TSHZ3: variants seen among roughly 807,000 people sequenced by gnomAD.
TSHZ3 encodes the protein teashirt homolog 3.
TSHZ3 carries 10 observed loss-of-function variants against 64.5 expected under a neutral mutation model. The observed-to-expected ratio is 0.16, with a 90% CI of 0.10 to 0.26. The LOEUF (loss-of-function observed/expected upper bound fraction) is 0.26. Among genes scored for constraint, TSHZ3 ranks in the 10% least tolerant of loss-of-function variants. The pLI is 1.00. For synonymous variants in TSHZ3, 608 were observed against 593.1 expected (o/e 1.03, Z -0.36); for missense variants, 1,242 against 1,421.7 (o/e 0.87, Z 2.03).
At chr19:31,226,927 C>T (rs1172773432) in intron 4 of TSHZ3, among the ~76,000 whole-genome samples, 1 of 148,822 alleles carries the variant, frequency 6.7e-6, no homozygotes, top group African/African-American at 2.5e-5. Context: ...AGAACTATCC[C>T]TTGCAGATAC....
intron 5 of TSHZ3, among the ~76,000 whole-genome samples, chr19:31,156,483 G>A (rs978243600): frequency 2.0e-4 from 30 of 152,106 alleles, no homozygotes; most frequent in African/African-American, 5.1e-4. Flanking sequence ...TTTGTCGGTC[G>A]GGAGCAGGAG....
rs1029191168 is a variant in TSHZ3, at chr19:31,152,292, G to A, written n.872-548C>T. Reference sequence around the variant, plus strand: ...CATGTGTATATGTGAGCGTGTGTGTGTGTGTGTGTGTGTGTGCATGTTTAT... The same window carrying A: ...CATGTGTATATGTGAGCGTGTGTGTATGTGTGTGTGTGTGTGCATGTTTAT... On this transcript the variant is annotated intron_variant and non_coding_transcript_variant, in intron 6 of 6. Transcript: ENST00000651361. Among the ~76,000 whole-genome samples the A allele has an allele frequency of 2.7e-3, 406 of 151,950 alleles. 2 individuals carry two copies. Among genetic ancestry groups the A allele is most frequent in the African/African-American group, 9.5e-3 (392 of 41,438 alleles).
At chr19:31,166,057 G>A (rs190372121) in intron 5 of TSHZ3, among the ~76,000 whole-genome samples, 11 of 152,270 alleles carry the variant, frequency 7.2e-5, no homozygotes, top group African/African-American at 1.9e-4. Context: ...TCCATTAAAC[G>A]CTTTATTACA....
intron 1 of TSHZ3, among the ~76,000 whole-genome samples, chr19:31,341,318 G>A (rs368181688): frequency 2.6e-5 from 4 of 152,100 alleles, no homozygotes; most frequent in East Asian, 3.9e-4. Context: ...CAAGTATTGC[G>A]CACTTGGGGT....
rs147790864 is a variant in TSHZ3 at position 31,277,216 on chromosome 19, C to A, written c.2577G>T (p.Thr859=). Residue 859 remains threonine, a synonymous_variant, in exon 2 of 2, where the codon ACG becomes ACT. Transcript: ENST00000240587. The surrounding 1 kb of genome is among the most constrained non-coding windows in gnomAD (Gnocchi z 4.5). The part of the protein sequence containing the change: ...DMLKNLTESH[T]SKSSTPSSIS... ...TGCTGGAAGGAGTGGAGGATTTTGA[C>A]GTGTGGCTCTCTGTCAAGTTCTTCA... is the stretch of plus-strand genomic sequence containing the variant. The A allele has an allele frequency of 6.2e-7, 1 of 1,614,176 alleles. No individual in the cohort carries two copies. Among genetic ancestry groups the A allele is most frequent in the Non-Finnish European group, 8.5e-7 (1 of 1,180,036 alleles).
Position 31,286,531 on chromosome 19 carries a change from T to G in TSHZ3, c.41-6779A>C, listed in dbSNP as rs1416279476. On this transcript the variant is annotated intron_variant, in intron 1 of 1. Coordinates refer to ENST00000240587, the MANE Select transcript of TSHZ3 (RefSeq NM_020856.4). ...ATTTTGCAGACAAGGAAACAGGGAT[T>G]CTGGCTAGTTCCACAGCACACTTGC... Among the ~76,000 whole-genome samples the G allele has an allele frequency of 3.3e-5, 5 of 152,322 alleles. No homozygotes were observed. The East Asian group carries it at 5.8e-4, about 18-fold the overall frequency.
chr19:31,302,126 G>A (rs1211213975), intron 1 of TSHZ3, among the ~76,000 whole-genome samples: 1 of 152,178 alleles, frequency 6.6e-6, no homozygotes, highest in African/African-American at 2.4e-5. Flanking sequence ...TGGCAAAAGA[G>A]AGAGCCATGG....
At chr19:31,193,162 T>A (rs770543330) in intron 5 of TSHZ3, among the ~76,000 whole-genome samples, 1 of 152,162 alleles carries the variant, frequency 6.6e-6, no homozygotes, top group African/African-American at 2.4e-5. Context: ...CTTTTTTTTC[T>A]GAGCATTTTT....
chr19:31,289,077 G>A (rs976864330), intron 1 of TSHZ3, among the ~76,000 whole-genome samples: 3 of 152,172 alleles, frequency 2.0e-5, no homozygotes, highest in Non-Finnish European at 4.4e-5. Context: ...ATAAGGAGTG[G>A]GCATAAAGGA....
chr19:31,296,752 GA>G (rs1422131091), intron 1 of TSHZ3, among the ~76,000 whole-genome samples: 6 of 152,202 alleles, frequency 3.9e-5, no homozygotes, highest in Non-Finnish European at 8.8e-5. Flanking sequence ...TGGTCCCAGG[GA>G]GTGGGCATTT....
chr19:31,152,382 A>C (rs1335503614), intron 6 of TSHZ3, among the ~76,000 whole-genome samples: 1 of 152,010 alleles, frequency 6.6e-6, no homozygotes, highest in Non-Finnish European at 1.5e-5. Flanking sequence ...TTCGCTGACT[A>C]TTCAGAGTTG....
At chr19:31,161,804 G>A (rs1031464721) in intron 5 of TSHZ3, among the ~76,000 whole-genome samples, 4 of 152,202 alleles carry the variant, frequency 2.6e-5, no homozygotes, top group African/African-American at 9.6e-5. Flanking sequence ...TGGCTCTGCA[G>A]GCCACACGGT....
intron 4 of TSHZ3, among the ~76,000 whole-genome samples, chr19:31,214,901 C>G (rs1174001538): frequency 7.8e-6 from 1 of 127,854 alleles, no homozygotes; most frequent in African/African-American, 3.0e-5. Context: ...GAGCGAGACT[C>G]TGTCTCAGAA....
intron 1 of TSHZ3, among the ~76,000 whole-genome samples, chr19:31,261,238 C>T (rs1378787784): frequency 2.6e-5 from 4 of 152,178 alleles, no homozygotes; most frequent in African/African-American, 7.2e-5. Flanking sequence ...CTCTGCCAGC[C>T]ACTGAACACT....
intron 1 of TSHZ3, among the ~76,000 whole-genome samples, chr19:31,246,195 G>A (rs549609875): frequency 2.6e-5 from 4 of 152,054 alleles, no homozygotes; most frequent in Admixed American, 6.5e-5. Context: ...ATAAAAATAA[G>A]TCAAAACACT....
At chr19:31,206,329 A>C (rs916800437) in intron 4 of TSHZ3, among the ~76,000 whole-genome samples, 11 of 151,984 alleles carry the variant, frequency 7.2e-5, no homozygotes, top group African/African-American at 2.7e-4. Context: ...GGATGGATAG[A>C]TGGATGAGAG....
chr19:31,247,408 G>A lies in TSHZ3; in HGVS notation n.64-4533C>T, dbSNP rs140212280. Among the ~76,000 whole-genome samples the A allele has an allele frequency of 2.0e-4, 30 of 152,214 alleles. No individual in the cohort carries two copies. The East Asian group carries it at 5.4e-3, about 27-fold the overall frequency. ...AGGAGACCAAGGCACCATTTTGGTG[G>A]TATTTCTGCCAGAAATGAGTAATGC... On this transcript the variant is annotated intron_variant and non_coding_transcript_variant, in intron 1 of 6. Coordinates refer to the TSHZ3 transcript ENST00000651361.
At chr19:31,261,877 T>C (rs1470550566) in intron 1 of TSHZ3, among the ~76,000 whole-genome samples, 2 of 152,144 alleles carry the variant, frequency 1.3e-5, no homozygotes, top group Non-Finnish European at 2.9e-5. Context: ...CGGCTGAGTT[T>C]GTATATGAAG....
intron 5 of TSHZ3, among the ~76,000 whole-genome samples, chr19:31,187,848 AATCAGG>A (rs1974836978): frequency 6.6e-6 from 1 of 152,114 alleles, no homozygotes; most frequent in Admixed American, 6.5e-5. Context: ...GCAGTCTTAA[AATCAGG>A]TAGTGTAAGT....
Sources: allele counts gnomAD v4.1 joint callset (sites outside exome capture counted in the v4.1 genomes callset), GRCh38; gene constraint gnomAD v4.1.1; non-coding constraint Gnocchi (gnomAD v3.1); transcripts MANE v1.5; gene names NCBI Gene and HGNC (gene_info 2026-07-23, HGNC 2026-07-21).